Variants in KCNK1 observed in about 807,000 individuals in gnomAD.
KCNK1 encodes potassium two pore domain channel subfamily K member 1.
Under a neutral mutation model 22.2 loss-of-function variants are expected in KCNK1, and 10 were observed. The ratio of observed to expected loss-of-function variants is 0.45; its 90% CI spans 0.28 to 0.76. The LOEUF (loss-of-function observed/expected upper bound fraction) is 0.76, where lower values mean the gene tolerates loss of function less well. Ranked by LOEUF, KCNK1 falls within the 30% of genes least tolerant of loss-of-function variation. The probability of loss-of-function intolerance (pLI) is 0.14; values close to 1 mark genes in which losing one functional copy is unlikely to be tolerated. For synonymous variants in KCNK1, 200 were observed against 186.4 expected (o/e 1.07, Z -0.60); for missense variants, 378 against 421.0 (o/e 0.90, Z 0.89).
chr1:233,630,631 A>C (rs888806499), intron 1 of KCNK1: 1 of 152,090 alleles, frequency 6.6e-6, no homozygotes, highest in Non-Finnish European at 1.5e-5. Flanking sequence ...TCAGATAGGA[A>C]TTTTTTTTAA....
At chr1:233,628,078 G>C (rs1477404365) in intron 1 of KCNK1, among the ~76,000 whole-genome samples, 1 of 152,192 alleles carries the variant, frequency 6.6e-6, no homozygotes, top group Non-Finnish European at 1.5e-5. Flanking sequence ...TGGAGTATGT[G>C]TGCCCTCAGA....
At chr1:233,631,643 A>G (rs1357440338) in intron 1 of KCNK1, among the ~76,000 whole-genome samples, 2 of 152,176 alleles carry the variant, frequency 1.3e-5, no homozygotes, top group Non-Finnish European at 2.9e-5. Context: ...GGTACACAGT[A>G]AGACAATTCA....
At chr1:233,623,649 C>T (rs559904370) in intron 1 of KCNK1, among the ~76,000 whole-genome samples, 2 of 152,298 alleles carry the variant, frequency 1.3e-5, no homozygotes, top group Admixed American at 6.5e-5. Context: ...AGTGCAGTGG[C>T]GTGATCTCAG....
In KCNK1 at chr1:233,666,776, G is replaced by A. The variant is rs780592015; in HGVS notation, c.537G>A (p.Val179=). ...HIRWGFSKQV[V]AIVHAVLLGF... ...GCTGGGGCTTCTCCAAGCAGGTGGT[G>A]GCCATCGTCCATGCCGTGCTCCTTG... is the stretch of plus-strand genomic sequence containing the variant. The change falls in exon 2 of 3, where the codon GTG becomes GTA. Residue 179 remains valine, a synonymous_variant. Coordinates refer to ENST00000366621, the MANE Select transcript of KCNK1 (RefSeq NM_002245.4). The A allele has an allele frequency of 6.2e-6, 10 of 1,614,164 alleles. No homozygotes were observed. In the Admixed American group the frequency reaches 1.0e-4, roughly 16 times the overall value.
chr1:233,638,782 G>A (rs775005427), intron 1 of KCNK1, among the ~76,000 whole-genome samples: 2 of 152,166 alleles, frequency 1.3e-5, no homozygotes, highest in Admixed American at 6.5e-5. Flanking sequence ...CATGTGCAGG[G>A]AAACGTTTTA....
chr1:233,628,419 C>T (rs1657726607), intron 1 of KCNK1, among the ~76,000 whole-genome samples: 1 of 152,174 alleles, frequency 6.6e-6, no homozygotes, highest in Admixed American at 6.5e-5. Flanking sequence ...CCAAGTAACA[C>T]ACCTGCACAC....
At chr1:233,631,476 G>T (rs908002159) in intron 1 of KCNK1, 1 of 358,800 alleles carries the variant, frequency 2.8e-6, no homozygotes, top group Non-Finnish European at 5.6e-6. Flanking sequence ...GTATCTTGAA[G>T]AATGTGCAAT....
At chr1:233,662,419 G>T (rs1658413645) in intron 1 of KCNK1, among the ~76,000 whole-genome samples, 1 of 152,200 alleles carries the variant, frequency 6.6e-6, no homozygotes, top group Non-Finnish European at 1.5e-5. Flanking sequence ...TGGGGCCATT[G>T]TAAGCTACAC....
At chr1:233,671,153 G>A (rs1362967987) in intron 2 of KCNK1, 118 bp from the exon 3 acceptor site, 2 of 880,116 alleles carry the variant, frequency 2.3e-6, no homozygotes, top group East Asian at 2.4e-5. Context: ...TAAGAAACTG[G>A]CAATGAGTTT....
intron 2 of KCNK1, among the ~76,000 whole-genome samples, chr1:233,668,049 A>C (rs938160620): frequency 2.0e-5 from 3 of 152,226 alleles, no homozygotes; most frequent in African/African-American, 7.2e-5. Flanking sequence ...TTTTCATTTT[A>C]AATTCAATGT....
chr1:233,627,683 T>C (rs1019263355), intron 1 of KCNK1, among the ~76,000 whole-genome samples: 1 of 152,192 alleles, frequency 6.6e-6, no homozygotes, highest in African/African-American at 2.4e-5. Context: ...AGCACTGTTG[T>C]GTGGATCCAC....
chr1:233,623,585 A>T (rs976928184), intron 1 of KCNK1, among the ~76,000 whole-genome samples: 1 of 152,180 alleles, frequency 6.6e-6, no homozygotes, highest in African/African-American at 2.4e-5. Flanking sequence ...AAGAAGAAAG[A>T]AACCTTTTGT....
Position 233,622,482 on chromosome 1 carries a change from T to C in KCNK1, c.355+7956T>C, listed in dbSNP as rs534975474. On this transcript the variant is annotated intron_variant, in intron 1 of 2. Transcript: ENST00000366621. ...AGCAAGCAACTTTTGAGGTGTTTTA[T>C]TGACTCCTGTGATACTTCTATCTCC... Among the ~76,000 whole-genome samples the C allele has an allele frequency of 3.3e-5, 5 of 152,362 alleles. No individual in the cohort carries two copies. The South Asian group carries it at 1.0e-3, about 32-fold the overall frequency.
intron 1 of KCNK1, among the ~76,000 whole-genome samples, chr1:233,614,973 T>C (rs936006579): frequency 2.2e-4 from 34 of 152,204 alleles, no homozygotes; most frequent in African/African-American, 7.5e-4. Context: ...ACCACCTTCC[T>C]CCCGCACCCA....
intron 1 of KCNK1, among the ~76,000 whole-genome samples, chr1:233,638,625 C>A (rs61824277): frequency 2.6e-5 from 4 of 152,002 alleles, no homozygotes; most frequent in Admixed American, 6.6e-5. Flanking sequence ...AGGGCCTCCC[C>A]TTGAGGAGGC....
In KCNK1 at chr1:233,671,533, G is replaced by C. The variant is rs776986042; in HGVS notation, c.*3G>C. On this transcript the variant is annotated 3_prime_UTR_variant, in exon 3 of 3. Transcript: ENST00000366621. ...TGGATGGCCCTGCAAACCATTGAGC[G>C]TAGGATTTGTTGCATTATGCTAGAG... is the stretch of plus-strand genomic sequence containing the variant. 1 of 1,613,842 alleles carries C rather than the reference G, an allele frequency of 6.2e-7. No homozygotes were observed. Among genetic ancestry groups the C allele is most frequent in the Non-Finnish European group, 8.5e-7 (1 of 1,180,026 alleles).
rs2102911363 is a variant in KCNK1, at chr1:233,666,790, C to T, written c.551C>T (p.Ala184Val). 1 of 1,614,208 alleles carries T rather than the reference C, an allele frequency of 6.2e-7. No individual in the cohort carries two copies. Among genetic ancestry groups the T allele is most frequent in the East Asian group, 2.2e-5 (1 of 44,874 alleles). Residue 184 changes from alanine (A) to valine (V), a missense_variant, in exon 2 of 3, where the codon GCC (alanine) becomes GTC (valine). By Grantham distance (64) the Ala-to-Val change is moderately conservative (BLOSUM62 0). Coordinates refer to ENST00000366621, the MANE Select transcript of KCNK1 (RefSeq NM_002245.4). Reference protein sequence around the residue: ...FSKQVVAIVHAVLLGFVTVSC... With the variant: ...FSKQVVAIVHVVLLGFVTVSC... ...AAGCAGGTGGTGGCCATCGTCCATG[C>T]CGTGCTCCTTGGGTTTGTCACTGTG...
chr1:233,615,189 G>A (rs1427777241), intron 1 of KCNK1, among the ~76,000 whole-genome samples: 1 of 152,252 alleles, frequency 6.6e-6, no homozygotes, highest in African/African-American at 2.4e-5. Context: ...AGAGTAGGAG[G>A]AAGGGTGAGG....
rs182940274 is a variant in KCNK1 at position 233,621,527 on chromosome 1, C to A, written c.355+7001C>A. Among the ~76,000 whole-genome samples, 394 of 152,184 alleles carry A rather than the reference C, an allele frequency of 2.6e-3. 2 individuals are homozygous for A. Among genetic ancestry groups the A allele is most frequent in the African/African-American group, 8.7e-3 (361 of 41,518 alleles). On this transcript the variant is annotated intron_variant, in intron 1 of 2. Coordinates refer to ENST00000366621, the MANE Select transcript of KCNK1 (RefSeq NM_002245.4). ...TGAATGGGATGTCATTGTTTTAGAG[C>A]GCAATATAGTAATCCACGTCCTTGA...
Sources: allele counts gnomAD v4.1 joint callset (sites outside exome capture counted in the v4.1 genomes callset), GRCh38; gene constraint gnomAD v4.1.1; transcripts MANE v1.5; gene names NCBI Gene and HGNC (gene_info 2026-07-23, HGNC 2026-07-21).